The following CENPE variants were observed in gnomAD, a reference collection of about 807,000 sequenced individuals.
The protein encoded by CENPE is centromere-associated protein E.
In CENPE, 145 loss-of-function variants were observed where a neutral mutation model predicts 336.1. The observed-to-expected ratio is 0.43, with a 90% CI of 0.38 to 0.50. The LOEUF is 0.50. Among genes scored for constraint, CENPE ranks in the 20% least tolerant of loss-of-function variants. The pLI is 0.00. For missense variants in CENPE, 2,719 were observed against 3,023.3 expected (o/e 0.90, Z 2.36); for synonymous variants, 1,013 against 984.8 (o/e 1.03, Z -0.54).
At position 103,138,362 on chromosome 4, in the gene CENPE, A is replaced by G. The variant is rs1288822676; in HGVS notation, c.6292T>C (p.Ser2098Pro). 1.1e-5 allele frequency: 17 copies of G among 1,608,548 alleles called. 1 individual carries two copies. The South Asian group carries it at 1.9e-4, about 18-fold the overall frequency. The change falls in exon 39 of 49, where the codon TCT (serine) becomes CCT (proline). Residue 2098 changes from serine (S) to proline (P), a missense_variant. Transcript: ENST00000265148. ...HLTESLREKC[S>P]RIKELLKRYS... ...CAGGGGGTACTTACTTTTATTCTAG[A>G]GCACTTTTCTCTCAGGCTTTCCGTA...
intron 8 of CENPE, among the ~76,000 whole-genome samples, chr4:103,187,976 A>T (rs1010327272): frequency 2.8e-4 from 42 of 151,904 alleles, no homozygotes; most frequent in Non-Finnish European, 5.6e-4. Context: ...GAAAACAAAA[A>T]AAGGCAGGGG....
rs112441854 is a variant in CENPE, at chr4:103,123,126, G to C, written c.6925-37C>G. 70 of 1,463,022 alleles carry C rather than the reference G, an allele frequency of 4.8e-5. No homozygotes were observed. In the African/African-American group the frequency reaches 7.4e-4, roughly 15 times the overall value. The allele number at this position is 1,463,022 out of a possible 1,614,324, so 90.6% of individuals were successfully genotyped here. On this transcript the variant is annotated intron_variant, in intron 42 of 48. Transcript: ENST00000265148. The stretch of plus-strand genomic sequence containing the variant: ...TAAAATACCATTATAGCTCTAAAAC[G>C]ATTTATAGTAGTCCCCACTTACCTG...
chr4:103,139,855 C>T lies in CENPE; in HGVS notation c.6138G>A (p.Arg2046=). Residue 2046 remains arginine (R), a synonymous_variant, in exon 38 of 49, where the codon AGG becomes AGA. Coordinates refer to ENST00000265148, the MANE Select transcript of CENPE (RefSeq NM_001813.3). ...IVAKERDELR[R]IKESLKMERD... is the part of the protein sequence containing the mutation. The stretch of plus-strand genomic sequence containing the variant: ...TTTCCATTTTGAGAGATTCTTTTAT[C>T]CTCCTTAGCTCATCTCTTTCTTTAG... 4 of 1,612,774 alleles carry T rather than the reference C, an allele frequency of 2.5e-6. No individual in the cohort carries two copies. The highest frequency in any genetic ancestry group is 3.4e-6 in the Non-Finnish European group (4 of 1,179,400).
intron 9 of CENPE, 67 bp from the exon 10 acceptor site, chr4:103,183,355 A>T: frequency 7.7e-7 from 1 of 1,303,584 alleles, no homozygotes; most frequent in South Asian, 1.3e-5. Flanking sequence ...CTTATTTATC[A>T]CTAAGTTAAT....
chr4:103,124,853 C>T (rs1750957381), intron 42 of CENPE, among the ~76,000 whole-genome samples: 3 of 152,176 alleles, frequency 2.0e-5, no homozygotes, highest in African/African-American at 7.2e-5. Flanking sequence ...CCTGGACACT[C>T]CTTGGCTCTG....
intron 16 of CENPE, among the ~76,000 whole-genome samples, chr4:103,166,208 G>C (rs1341721595): frequency 6.6e-6 from 1 of 152,148 alleles, no homozygotes; most frequent in African/African-American, 2.4e-5. Context: ...TGAGCATCTG[G>C]TCTCTACTTC....
intron 18 of CENPE, 138 bp downstream of exon 18, chr4:103,162,999 T>G: frequency 1.7e-6 from 1 of 585,392 alleles, no homozygotes; most frequent in Non-Finnish European, 2.7e-6. Flanking sequence ...ATAGGGTTAT[T>G]GACAGATTTA....
intron 8 of CENPE, 137 bp downstream of exon 8, chr4:103,194,092 A>T (rs1195353621): frequency 3.1e-6 from 2 of 637,948 alleles, no homozygotes; most frequent in African/African-American, 3.7e-5. Context: ...TGATACTGAC[A>T]AGACTAAGCA....
chr4:103,148,934 A>C lies in CENPE; in HGVS notation c.3753T>G (p.Ile1251Met), dbSNP rs754274661. 1 of 1,613,674 alleles carries C rather than the reference A, an allele frequency of 6.2e-7. No individual in the cohort carries two copies. The highest frequency in any genetic ancestry group is 1.7e-5 in the Admixed American group (1 of 60,010). Residue 1251 changes from isoleucine to methionine, a missense_variant, in exon 28 of 49, where the codon ATT (isoleucine) becomes ATG (methionine). By Grantham distance (10) the Ile-to-Met change is conservative. This residue lies in a region of CENPE where 2,437 missense variants were observed against 2,513.3 expected (regional missense o/e 0.97). Coordinates refer to ENST00000265148, the MANE Select transcript of CENPE (RefSeq NM_001813.3). ...HIHLKEHQET[I>M]DELRRSVSEK... ...CAGATACGCTTCTTCTTAGTTCATC[A>C]ATAGTTTCTTGGTGTTCTTTTAGGT...
At position 103,158,974 on chromosome 4, in the gene CENPE, T is replaced by C. The variant is rs540751277; in HGVS notation, c.2601+36A>G. ...TACAGAAACCAAAACCCCAGAAGACTAAGGAGCATTTCTCAAAATAGCATC... is the reference window on the plus strand; with the variant it reads ...TACAGAAACCAAAACCCCAGAAGACCAAGGAGCATTTCTCAAAATAGCATC... On this transcript the variant is annotated intron_variant, in intron 22 of 48. Transcript: ENST00000265148. 7.8e-6 allele frequency: 12 copies of C among 1,532,724 alleles called. No individual in the cohort carries two copies. The African/African-American group carries it at 1.5e-4, about 20-fold the overall frequency. 94.9% of individuals were successfully genotyped at this position (1,532,724 alleles called of 1,614,324 possible). A position where few individuals can be genotyped will look rare whatever the true frequency, so the allele number is the denominator to read the frequency against.
chr4:103,165,213 C>T (rs1376035217), intron 16 of CENPE, among the ~76,000 whole-genome samples: 1 of 152,042 alleles, frequency 6.6e-6, no homozygotes, highest in African/African-American at 2.4e-5. Context: ...CCATTGCTAC[C>T]ATTTAAATTG....
intron 13 of CENPE, among the ~76,000 whole-genome samples, chr4:103,180,040 A>G (rs1175347532): frequency 6.6e-6 from 1 of 152,186 alleles, no homozygotes. Context: ...ATGGCTTCCA[A>G]TCACCCAGTT....
intron 8 of CENPE, among the ~76,000 whole-genome samples, chr4:103,187,657 A>C (rs1268126649): frequency 1.3e-5 from 2 of 152,216 alleles, no homozygotes; most frequent in African/African-American, 4.8e-5. Flanking sequence ...AGCACTAAAC[A>C]TGGAAAGGAA....
chr4:103,121,380 A>G (rs1750605839), intron 43 of CENPE, among the ~76,000 whole-genome samples: 1 of 152,030 alleles, frequency 6.6e-6, no homozygotes, highest in South Asian at 2.1e-4. Context: ...CATATAATTC[A>G]CATGTACACA....
At chr4:103,183,007 G>T (rs1756454583) in intron 10 of CENPE, 116 bp from the exon 11 acceptor site, 10 of 1,101,822 alleles carry the variant, frequency 9.1e-6, no homozygotes, top group Non-Finnish European at 1.3e-5. Flanking sequence ...TAGTTTACAA[G>T]TTATATGAGG....
In CENPE at chr4:103,109,054, C is replaced by A; in HGVS notation, c.7760G>T (p.Trp2587Leu). The change falls in exon 48 of 49, where the codon TGG becomes TTG. Residue 2587 changes from tryptophan to leucine, a missense_variant. Physicochemically the swap from Trp to Leu is moderately conservative, Grantham distance 61. Coordinates refer to ENST00000265148, the MANE Select transcript of CENPE (RefSeq NM_001813.3). ...CTCTCTTTTAAGGGTTCTTTCCTTC[C>A]AAGTTTTGACCTCATTGGAAAGATG... Reference protein sequence around the residue: ...NQHLSNEVKTWKERTLKREAH... With the variant: ...NQHLSNEVKTLKERTLKREAH... 2.5e-6 allele frequency: 4 copies of A among 1,612,830 alleles called. No homozygotes were observed. Among genetic ancestry groups the A allele is most frequent in the South Asian group, 1.1e-5 (1 of 90,838 alleles).
At chr4:103,197,032 A>G (rs1375675931) in intron 1 of CENPE, among the ~76,000 whole-genome samples, 182 bp from the exon 2 acceptor site, 1 of 152,222 alleles carries the variant, frequency 6.6e-6, no homozygotes, top group Non-Finnish European at 1.5e-5. Flanking sequence ...TGCCGCCTCA[A>G]AAGTGTTTTC....
chr4:103,136,471 G>A, intron 39 of CENPE, 112 bp from the exon 40 acceptor site: 1 of 653,228 alleles, frequency 1.5e-6, no homozygotes, highest in Non-Finnish European at 2.5e-6. Flanking sequence ...TTCTGTAGGA[G>A]AGAAATAAAG....
intron 8 of CENPE, among the ~76,000 whole-genome samples, chr4:103,190,794 G>A (rs549226083): frequency 5.9e-5 from 9 of 152,262 alleles, no homozygotes; most frequent in Admixed American, 1.3e-4. Context: ...TTGACAAAAT[G>A]GGATCTAAGT....
Sources: allele counts gnomAD v4.1 joint callset (sites outside exome capture counted in the v4.1 genomes callset), GRCh38; gene constraint gnomAD v4.1.1; regional missense constraint gnomAD v4.1.1; transcripts MANE v1.5; gene names NCBI Gene and HGNC (gene_info 2026-07-23, HGNC 2026-07-21).